The following UNC79 variants were observed in gnomAD, a reference collection of about 807,000 sequenced individuals.
UNC79 encodes unc-79 subunit of NALCN channel complex, also known as protein unc-79 homolog.
A neutral mutation model predicts 283.1 loss-of-function variants in UNC79; 37 were observed. That is an observed-to-expected ratio of 0.13 (90% CI 0.10 to 0.17). The LOEUF (loss-of-function observed/expected upper bound fraction) is 0.17. Ranked by LOEUF, UNC79 falls within the 10% of genes least tolerant of loss-of-function variation. The pLI is 1.00. For missense variants in UNC79, 2,272 were observed against 3,211.1 expected, an observed-to-expected ratio of 0.71 and a Z score of 7.07; for synonymous variants, 1,107 against 1,200.2, an observed-to-expected ratio of 0.92 and a Z score of 1.61.
chr14:93,494,128 C>T (rs994882404), intron 5 of UNC79, among the ~76,000 whole-genome samples: 9 of 151,864 alleles, frequency 5.9e-5, no homozygotes. Context: ...TGGTCTTGAA[C>T]TCCTGACCTC....
At chr14:93,476,827 G>T (rs2057827162) in intron 3 of UNC79, among the ~76,000 whole-genome samples, 1 of 152,088 alleles carries the variant, frequency 6.6e-6, no homozygotes, top group South Asian at 2.1e-4. Flanking sequence ...TTATTCTTGT[G>T]CAGGTAATAA....
At chr14:93,445,393 G>A (rs991797456) in intron 1 of UNC79, among the ~76,000 whole-genome samples, 1 of 152,148 alleles carries the variant, frequency 6.6e-6, no homozygotes, top group Non-Finnish European at 1.5e-5. Flanking sequence ...TTGACCTTAG[G>A]TGGAAAGCTT....
rs973460136 is a variant in UNC79, at chr14:93,410,943, G to A, written c.-350-56728G>A. 2.6e-4 allele frequency among the ~76,000 whole-genome samples: 40 copies of A among 151,986 alleles called. 1 individual carries two copies. The highest frequency in any genetic ancestry group is 2.6e-3 in the Admixed American group (39 of 15,246). ...GGAAAGTGGAGGAAAAAGAAAAGCA[G>A]ACTTTGGCTTGCTCCATATGTACCA... is the stretch of plus-strand genomic sequence containing the variant. On this transcript the variant is annotated intron_variant, in intron 1 of 49. Transcript: ENST00000256339.
chr14:93,476,693 C>G (rs982227428), intron 3 of UNC79, among the ~76,000 whole-genome samples: 5 of 152,202 alleles, frequency 3.3e-5, no homozygotes, highest in African/African-American at 1.2e-4. Context: ...ATCATCAAAC[C>G]TTGGCTGATG....
At chr14:93,369,845 G>T (rs576308109) in intron 1 of UNC79, among the ~76,000 whole-genome samples, 1 of 152,164 alleles carries the variant, frequency 6.6e-6, no homozygotes, top group Non-Finnish European at 1.5e-5. Flanking sequence ...GACCTACTGG[G>T]GTTTCATTGC....
intron 1 of UNC79, among the ~76,000 whole-genome samples, chr14:93,446,929 C>T (rs189435426): frequency 1.4e-4 from 21 of 152,238 alleles, no homozygotes; most frequent in East Asian, 7.7e-4. Context: ...AAATCTTCTA[C>T]GCATTTGCGG....
chr14:93,706,624 G>A (rs1886943319), intron 48 of UNC79, 80 bp from the exon 52 acceptor site: 9 of 1,548,252 alleles, frequency 5.8e-6, no homozygotes, highest in Non-Finnish European at 7.9e-6. Flanking sequence ...AATTCTGCCT[G>A]CAAGAAGCCG....
chr14:93,510,784 T>A (rs981412162), intron 7 of UNC79, among the ~76,000 whole-genome samples: 1 of 152,192 alleles, frequency 6.6e-6, no homozygotes, highest in African/African-American at 2.4e-5. Context: ...CTTTCTGTCA[T>A]TTTCCTGTCT....
intron 22 of UNC79, among the ~76,000 whole-genome samples, chr14:93,593,102 A>G (rs1019986641): frequency 2.0e-5 from 3 of 152,196 alleles, no homozygotes; most frequent in African/African-American, 7.2e-5. Flanking sequence ...GAGTTCTGTT[A>G]TTCCCATGCT....
intron 1 of UNC79, among the ~76,000 whole-genome samples, chr14:93,369,555 C>T (rs935504119): frequency 6.6e-6 from 1 of 152,142 alleles, no homozygotes; most frequent in African/African-American, 2.4e-5. Context: ...GGAACAAGTG[C>T]CCAGGTAGGA....
At chr14:93,618,432 A>C in intron 29 of UNC79, 78 bp downstream of exon 30, 1 of 1,377,760 alleles carries the variant, frequency 7.3e-7, no homozygotes. Flanking sequence ...AGGAGATAGA[A>C]GAGTGTTCCC....
chr14:93,472,856 G>A (rs946061711), intron 2 of UNC79, among the ~76,000 whole-genome samples: 4 of 151,988 alleles, frequency 2.6e-5, no homozygotes, highest in African/African-American at 9.7e-5. Context: ...TATCTACTTG[G>A]ACTAACATAA....
At chr14:93,391,152 A>G (rs2054874010) in intron 1 of UNC79, among the ~76,000 whole-genome samples, 1 of 152,262 alleles carries the variant, frequency 6.6e-6, no homozygotes, top group Admixed American at 6.5e-5. Flanking sequence ...AAGAGAGCCA[A>G]GATATGAACA....
chr14:93,439,341 G>T (rs1019404772), intron 1 of UNC79, among the ~76,000 whole-genome samples: 1 of 151,768 alleles, frequency 6.6e-6, no homozygotes, highest in Non-Finnish European at 1.5e-5. Flanking sequence ...TTTGGGCTGA[G>T]GTAATATACT....
chr14:93,368,873 C>G (rs909315407), intron 1 of UNC79, among the ~76,000 whole-genome samples: 2 of 152,192 alleles, frequency 1.3e-5, no homozygotes, highest in Admixed American at 6.5e-5. Context: ...GAAACAAAGA[C>G]TGAAAGCTGA....
At chr14:93,638,639 C>T (rs1436175672) in intron 32 of UNC79, among the ~76,000 whole-genome samples, 1 of 152,210 alleles carries the variant, frequency 6.6e-6, no homozygotes, top group African/African-American at 2.4e-5. Flanking sequence ...CCTCTTCATT[C>T]AAATTTCTGA....
chr14:93,405,759 T>G (rs1195421597), intron 1 of UNC79, among the ~76,000 whole-genome samples: 3 of 152,250 alleles, frequency 2.0e-5, no homozygotes, highest in Non-Finnish European at 2.9e-5. Context: ...AAATGTAATT[T>G]GAAATGCATA....
chr14:93,658,198 G>T (rs533947803), intron 38 of UNC79, among the ~76,000 whole-genome samples: 1 of 152,184 alleles, frequency 6.6e-6, no homozygotes, highest in African/African-American at 2.4e-5. Context: ...TTAATCTCTG[G>T]GGAAAATAAT....
chr14:93,478,300 A>G (rs2057919757), intron 4 of UNC79, among the ~76,000 whole-genome samples: 1 of 152,218 alleles, frequency 6.6e-6, no homozygotes, highest in South Asian at 2.1e-4. Flanking sequence ...GTCATGTGCA[A>G]TGTATGATTA....
Sources: allele counts gnomAD v4.1 joint callset (sites outside exome capture counted in the v4.1 genomes callset), GRCh38; gene constraint gnomAD v4.1.1; transcripts MANE v1.5; gene names NCBI Gene and HGNC (gene_info 2026-07-23, HGNC 2026-07-21).